Variants in UBR1 observed in about 807,000 individuals in gnomAD.
UBR1 encodes the protein E3 ubiquitin-protein ligase UBR1.
UBR1 carries 102 observed loss-of-function variants against 242.1 expected under a neutral mutation model. The ratio of observed to expected loss-of-function variants is 0.42; its 90% CI spans 0.36 to 0.50. The LOEUF (loss-of-function observed/expected upper bound fraction) is 0.50. Ranked by LOEUF, UBR1 falls within the 20% of genes least tolerant of loss-of-function variation. UBR1 has a pLI of 0.01. For synonymous variants in UBR1, 675 were observed against 684.8 expected, an observed-to-expected ratio of 0.99 and a Z score of 0.22; for missense variants, 1,772 against 2,101.8, an observed-to-expected ratio of 0.84 and a Z score of 3.07.
intron 3 of UBR1, among the ~76,000 whole-genome samples, chr15:43,077,766 A>G (rs1438070336): frequency 6.6e-6 from 1 of 152,094 alleles, no homozygotes; most frequent in Non-Finnish European, 1.5e-5. Flanking sequence ...AATATCCCAT[A>G]GCAACTAAAA....
At chr15:42,995,470 T>A (rs2032622757) in intron 33 of UBR1, among the ~76,000 whole-genome samples, 1 of 145,286 alleles carries the variant, frequency 6.9e-6, no homozygotes, top group East Asian at 2.0e-4. Flanking sequence ...CCATCCTGGC[T>A]AACACGGTGA....
chr15:43,040,483 AACCATAAAAACCCT>A (rs1028313465), intron 15 of UBR1, among the ~76,000 whole-genome samples: 3 of 152,204 alleles, frequency 2.0e-5, no homozygotes, highest in Non-Finnish European at 2.9e-5. Context: ...GTAAGACCTA[AACCATAAAAACCCT>A]AGAAGAAAAC....
chr15:43,067,916 G>A lies in UBR1; in HGVS notation c.780C>T (p.Thr260=), dbSNP rs2033774341. 2.5e-6 allele frequency: 4 copies of A among 1,613,818 alleles called. No homozygotes were observed. The highest frequency in any genetic ancestry group is 3.4e-6 in the Non-Finnish European group (4 of 1,180,010). The stretch of plus-strand genomic sequence containing the variant: ...CACAAACCTCTTTGTCAATGGCAGT[G>A]GTATGCAACTGGGCCTCTGCGAGCT... The part of the protein sequence containing the change: ...DCELAEAQLH[T]TAIDKEGRRA... Residue 260 remains threonine, a synonymous_variant, in exon 6 of 47, where the codon ACC becomes ACT. Coordinates refer to ENST00000290650, the MANE Select transcript of UBR1 (RefSeq NM_174916.3).
At chr15:43,029,492 A>G (rs2033225645) in intron 21 of UBR1, among the ~76,000 whole-genome samples, 1 of 152,228 alleles carries the variant, frequency 6.6e-6, no homozygotes, top group Admixed American at 6.5e-5. Context: ...ACAGATGGAA[A>G]GGCCATTGAA....
intron 35 of UBR1, 26 bp from the exon 36 acceptor site, chr15:42,984,968 T>G: frequency 6.5e-7 from 1 of 1,531,698 alleles, no homozygotes; most frequent in Non-Finnish European, 9.0e-7. Flanking sequence ...AAAATAAAAA[T>G]AATAAATCCT....
chr15:43,014,202 G>A (rs2032972653), intron 29 of UBR1, among the ~76,000 whole-genome samples: 1 of 152,260 alleles, frequency 6.6e-6, no homozygotes, highest in Non-Finnish European at 1.5e-5. Context: ...TGCCCAGGCT[G>A]GAGTGCAGTG....
intron 14 of UBR1, among the ~76,000 whole-genome samples, chr15:43,046,812 G>A (rs1432014283): frequency 6.6e-6 from 1 of 152,130 alleles, no homozygotes; most frequent in East Asian, 1.9e-4. Context: ...CAAAGCTCTT[G>A]AATGAATAAT....
At chr15:42,958,972 A>G (rs1196392929) in intron 43 of UBR1, among the ~76,000 whole-genome samples, 1 of 152,124 alleles carries the variant, frequency 6.6e-6, no homozygotes, top group African/African-American at 2.4e-5. Flanking sequence ...CTGGGATTAC[A>G]GGCGCCTGCC....
intron 40 of UBR1, among the ~76,000 whole-genome samples, chr15:42,967,559 G>T (rs1363445771): frequency 6.6e-6 from 1 of 151,820 alleles, no homozygotes; most frequent in Non-Finnish European, 1.5e-5. Flanking sequence ...TGATGTGTGT[G>T]GCAGTTAAAT....
At chr15:43,091,962 T>C (rs960348424) in intron 1 of UBR1, 6 of 438,222 alleles carry the variant, frequency 1.4e-5, no homozygotes, top group Non-Finnish European at 2.3e-5. Context: ...GGCACATACC[T>C]GTGGTCCCAG....
chr15:43,027,298 C>T (rs2033190817), intron 22 of UBR1, among the ~76,000 whole-genome samples: 2 of 151,876 alleles, frequency 1.3e-5, no homozygotes, highest in African/African-American at 2.4e-5. Flanking sequence ...AAACACAATA[C>T]TGTAACAAGT....
At chr15:42,952,772 G>C (rs1461051499) in intron 44 of UBR1, among the ~76,000 whole-genome samples, 1 of 152,162 alleles carries the variant, frequency 6.6e-6, no homozygotes, top group Non-Finnish European at 1.5e-5. Flanking sequence ...CATCTGACAT[G>C]CCCAATTTAC....
At chr15:42,947,261 A>T (rs2031753401) in intron 46 of UBR1, among the ~76,000 whole-genome samples, 1 of 152,240 alleles carries the variant, frequency 6.6e-6, no homozygotes. Context: ...TTCTGAAGAA[A>T]GGTTGATTAC....
rs977056753 is a variant in UBR1 at position 42,990,215 on chromosome 15, C to A, written c.3758-95G>T. ...TTTATTTATTTATTTTTGACAGTCTCACTCTGTCACCCATGCTGGAGCACA... is the reference window on the plus strand; with the variant it reads ...TTTATTTATTTATTTTTGACAGTCTAACTCTGTCACCCATGCTGGAGCACA... On this transcript the variant is annotated intron_variant, in intron 33 of 46. Coordinates refer to ENST00000290650, the MANE Select transcript of UBR1 (RefSeq NM_174916.3). 15 of 901,952 alleles carry A rather than the reference C, an allele frequency of 1.7e-5. No individual in the cohort carries two copies. The African/African-American group carries it at 2.0e-4, about 12-fold the overall frequency. The allele number at this position is 901,952 out of a possible 1,614,324, so 55.9% of individuals were successfully genotyped here. A position where few individuals can be genotyped will look rare whatever the true frequency, so the allele number is the denominator to read the frequency against.
At chr15:43,002,408 A>C (rs1019643394) in intron 32 of UBR1, 147 bp downstream of exon 32, 30 of 871,460 alleles carry the variant, frequency 3.4e-5, no homozygotes, top group Non-Finnish European at 4.2e-5. Flanking sequence ...TTTTGTAGAG[A>C]TGGGGTTTTA....
chr15:43,007,253 C>A lies in UBR1; in HGVS notation c.3241G>T (p.Ala1081Ser). The change falls in exon 30 of 47, where the codon GCT becomes TCT. Residue 1081 changes from alanine to serine, a missense_variant. Ala to Ser is a moderately conservative substitution (Grantham distance 99). Transcript: ENST00000290650. ...GATGGACCCCGTTTAGGACCCAAAG[C>A]AATTCTAGAGTAGTCACTGACTGCT... is the stretch of plus-strand genomic sequence containing the variant. Reference protein sequence around the residue: ...TPAVSDYSRIALGPKRGPSVT... With the variant: ...TPAVSDYSRISLGPKRGPSVT... The A allele has an allele frequency of 6.2e-7, 1 of 1,614,104 alleles. No homozygotes were observed. The highest frequency in any genetic ancestry group is 1.1e-5 in the South Asian group (1 of 91,080).
At chr15:43,014,416 C>T (rs201416734) in intron 29 of UBR1, among the ~76,000 whole-genome samples, 1 of 151,940 alleles carries the variant, frequency 6.6e-6, no homozygotes, top group African/African-American at 2.4e-5. Context: ...TGCCCGGCCG[C>T]CATCCCATCT....
Position 43,106,000 on chromosome 15 carries a change from C to A in UBR1, c.23G>T (p.Gly8Val). 6 of 1,613,654 alleles carry A rather than the reference C, an allele frequency of 3.7e-6. No individual in the cohort carries two copies. Among genetic ancestry groups the A allele is most frequent in the Non-Finnish European group, 5.1e-6 (6 of 1,179,826 alleles). The stretch of plus-strand genomic sequence containing the variant: ...CGCGCTGATTTCCATCCTCTCAGTA[C>A]CTCCAGCCTCCTCGTCCGCCATCTT... MADEEAGGTERMEISAEL... is the reference protein window; with the variant it reads MADEEAGVTERMEISAEL... Residue 8 changes from glycine (G) to valine (V), a missense_variant, in exon 1 of 47, where the codon GGT becomes GTT. Physicochemically the swap from Gly to Val is moderately radical, Grantham distance 109 (BLOSUM62 -3). This residue lies in a region of UBR1 where 734 missense variants were observed against 893.3 expected (regional missense o/e 0.82). Coordinates refer to ENST00000290650, the MANE Select transcript of UBR1 (RefSeq NM_174916.3).
At chr15:43,002,173 G>A (rs2032736067) in intron 32 of UBR1, among the ~76,000 whole-genome samples, 1 of 152,104 alleles carries the variant, frequency 6.6e-6, no homozygotes, top group African/African-American at 2.4e-5. Flanking sequence ...ATAAAAAACA[G>A]TAATGTAACA....
Sources: gnomAD v4.1 joint callset for allele counts (sites outside exome capture counted in the v4.1 genomes callset) on GRCh38, gnomAD v4.1.1 for gene constraint, gnomAD v4.1.1 regional missense constraint, MANE v1.5 for transcripts, NCBI Gene and HGNC (gene_info 2026-07-23, HGNC 2026-07-21) for gene names.